The following NEK6 variants were observed in gnomAD, a reference collection of about 807,000 sequenced individuals.
The protein encoded by NEK6 is serine/threonine-protein kinase Nek6.
A neutral mutation model predicts 43.5 loss-of-function variants in NEK6; 27 were observed. The ratio of observed to expected loss-of-function variants is 0.62; its 90% CI spans 0.46 to 0.86. NEK6 has a LOEUF of 0.86. Among genes scored for constraint, NEK6 ranks in the 40% least tolerant of loss-of-function variants. NEK6 has a pLI of 0.00. For missense variants in NEK6, 318 were observed against 414.4 expected (o/e 0.77, Z 2.02); for synonymous variants, 167 against 164.1 (o/e 1.02, Z -0.14).
intron 8 of NEK6, among the ~76,000 whole-genome samples, chr9:124,347,277 G>GT (rs1829982308): frequency 6.6e-6 from 1 of 152,232 alleles, no homozygotes; most frequent in African/African-American, 2.4e-5. Flanking sequence ...CAGTCCATAG[G>GT]TAAGGAAAGC....
At chr9:124,344,427 C>A (rs1829810432) in intron 8 of NEK6, among the ~76,000 whole-genome samples, 1 of 152,244 alleles carries the variant, frequency 6.6e-6, no homozygotes, top group Non-Finnish European at 1.5e-5. Flanking sequence ...CTAGTGGGAG[C>A]CACCACAAAG....
In NEK6 at chr9:124,345,183, G is replaced by A. The variant is rs556195784; in HGVS notation, c.718-2526G>A. 3.3e-5 allele frequency among the ~76,000 whole-genome samples: 5 copies of A among 152,288 alleles called. No individual in the cohort carries two copies. In the East Asian group the frequency reaches 7.7e-4, roughly 24 times the overall value. On this transcript the variant is annotated intron_variant, in intron 8 of 9. Coordinates refer to ENST00000320246, the MANE Select transcript of NEK6 (RefSeq NM_014397.6). Reference sequence around the variant, plus strand: ...GAGCAGCGCTGAGAGCCGTGGCCTCGGCAGTTCTAACGAGGCCCCAGACAG... The same window carrying A: ...GAGCAGCGCTGAGAGCCGTGGCCTCAGCAGTTCTAACGAGGCCCCAGACAG...
At position 124,343,585 on chromosome 9, in the gene NEK6, C is replaced by G. The variant is rs975360493; in HGVS notation, c.717+3920C>G. Among the ~76,000 whole-genome samples, 1 of 152,170 alleles carries G rather than the reference C, an allele frequency of 6.6e-6. No individual in the cohort carries two copies. The highest frequency in any genetic ancestry group is 1.5e-5 in the Non-Finnish European group (1 of 68,014). On this transcript the variant is annotated intron_variant, in intron 8 of 9. Coordinates refer to ENST00000320246, the MANE Select transcript of NEK6 (RefSeq NM_014397.6). The surrounding 1 kb of genome is among the most constrained non-coding windows in gnomAD (Gnocchi z 5.1). ...GAAGGTGAAGCAGGCGTTTCCCCAG[C>G]AGACAGGGAGGAGAGCCACATCTGA...
At chr9:124,273,095 G>A (rs978442901) in intron 1 of NEK6, among the ~76,000 whole-genome samples, 5 of 152,164 alleles carry the variant, frequency 3.3e-5, no homozygotes, top group African/African-American at 9.7e-5. Context: ...GACCATTTCC[G>A]CGTGAGCCAG....
intron 1 of NEK6, among the ~76,000 whole-genome samples, chr9:124,263,906 A>G (rs973086867): frequency 6.6e-6 from 1 of 152,210 alleles, no homozygotes; most frequent in Non-Finnish European, 1.5e-5. Context: ...TCGGCGTGGC[A>G]TTGGAGGGTC....
In NEK6 at chr9:124,352,476, T is replaced by C. The variant is rs995311884; in HGVS notation, c.*1529T>C. 1 of 152,236 alleles carries C rather than the reference T, an allele frequency of 6.6e-6. No individual in the cohort carries two copies. Among genetic ancestry groups the C allele is most frequent in the Non-Finnish European group, 1.5e-5 (1 of 68,036 alleles). The allele number at this position is 152,236 out of a possible 1,614,324, so 9.4% of individuals were successfully genotyped here. On this transcript the variant is annotated 3_prime_UTR_variant, in exon 10 of 10. Coordinates refer to ENST00000320246, the MANE Select transcript of NEK6 (RefSeq NM_014397.6). ...GAGATTTTGCTTTTAAACCAGTAGATTCAAAACTTAAACAGCGTCTGCAGC... is the reference window on the plus strand; with the variant it reads ...GAGATTTTGCTTTTAAACCAGTAGACTCAAAACTTAAACAGCGTCTGCAGC...
chr9:124,343,718 A>G lies in NEK6; in HGVS notation c.718-3991A>G, dbSNP rs1366316241. ...GGCACCAGCCTGAAGAGCTGTGACA[A>G]AGCCCCCTGCCCTCTCTGGACAACA... On this transcript the variant is annotated intron_variant, in intron 8 of 9. Transcript: ENST00000320246. The surrounding 1 kb of genome is among the most constrained non-coding windows in gnomAD (Gnocchi z 5.1). Among the ~76,000 whole-genome samples the G allele has an allele frequency of 6.6e-6, 1 of 152,146 alleles. No individual in the cohort carries two copies. The highest frequency in any genetic ancestry group is 1.5e-5 in the Non-Finnish European group (1 of 68,022).
At chr9:124,339,435 A>G in intron 7 of NEK6, 136 bp from the exon 8 acceptor site, 1 of 701,504 alleles carries the variant, frequency 1.4e-6, no homozygotes, top group Non-Finnish European at 2.6e-6. Flanking sequence ...CCAGGCCCAG[A>G]GAGGGAGAAG....
At chr9:124,298,597 G>A (rs1411244040) in intron 1 of NEK6, among the ~76,000 whole-genome samples, 3 of 152,142 alleles carry the variant, frequency 2.0e-5, no homozygotes, top group Non-Finnish European at 4.4e-5. Context: ...CAAGTGGAGA[G>A]AGGGCCCATT....
intron 1 of NEK6, among the ~76,000 whole-genome samples, chr9:124,297,953 C>T (rs1832774682): frequency 6.6e-6 from 1 of 152,114 alleles, no homozygotes; most frequent in Non-Finnish European, 1.5e-5. Context: ...GGGTGTGGAC[C>T]AATAGAACAA....
rs116185588 is a variant in NEK6 at position 124,310,164 on chromosome 9, G to C, written c.91-2345G>C. 3.1e-3 allele frequency among the ~76,000 whole-genome samples: 465 copies of C among 152,374 alleles called. 2 individuals carry two copies. Among genetic ancestry groups the C allele is most frequent in the African/African-American group, 0.011 (445 of 41,594 alleles). On this transcript the variant is annotated intron_variant, in intron 2 of 9. Transcript: ENST00000320246. ...CCTGGGGTCACACCCCAGCTCTGCT[G>C]TTCTTTGCTGCCTGATCAGAACAGG... is the stretch of plus-strand genomic sequence containing the variant.
At chr9:124,304,553 C>A (rs569579051) in intron 2 of NEK6, among the ~76,000 whole-genome samples, 1 of 152,340 alleles carries the variant, frequency 6.6e-6, no homozygotes, top group South Asian at 2.1e-4. Context: ...ACATCCAACA[C>A]AGCACCTCAC....
intron 1 of NEK6, among the ~76,000 whole-genome samples, chr9:124,271,469 C>T (rs1370119378): frequency 5.9e-5 from 9 of 152,272 alleles, no homozygotes. Context: ...TTAGTACCCA[C>T]TGTGCACCGG....
chr9:124,292,880 G>A (rs1487440606), intron 1 of NEK6: 20 of 1,472,050 alleles, frequency 1.4e-5, no homozygotes, highest in Non-Finnish European at 1.4e-5. Flanking sequence ...GAGACAGCAC[G>A]GGGGAGCAGG....
At chr9:124,267,433 A>G (rs751566377) in intron 1 of NEK6, among the ~76,000 whole-genome samples, 1 of 152,156 alleles carries the variant, frequency 6.6e-6, no homozygotes, top group Non-Finnish European at 1.5e-5. Flanking sequence ...GTGTGTGTAC[A>G]TTTCCTTTGT....
chr9:124,313,799 G>T lies in NEK6; in HGVS notation c.232-124G>T, dbSNP rs73584366. 1.1e-3 allele frequency: 983 copies of T among 863,778 alleles called. 7 individuals carry two copies. The highest frequency in any genetic ancestry group is 9.2e-3 in the African/African-American group (489 of 53,074). The allele number at this position is 863,778 out of a possible 1,614,324, so 53.5% of individuals were successfully genotyped here. On this transcript the variant is annotated intron_variant, in intron 3 of 9. Transcript: ENST00000320246. ...CTACAGGGGCTGGGAGTGCAGGGGG[G>T]GGTCACAGAGTCCCTTGGTGAGGAG...
At chr9:124,314,242 T>C (rs1165689548) in intron 4 of NEK6, among the ~76,000 whole-genome samples, 1 of 152,072 alleles carries the variant, frequency 6.6e-6, no homozygotes, top group Admixed American at 6.5e-5. Flanking sequence ...CCCCTCCTGC[T>C]TGTACATGGC....
In NEK6 at chr9:124,280,406, G is replaced by A. The variant is rs1046220504; in HGVS notation, c.-29-21530G>A. 7.2e-5 allele frequency among the ~76,000 whole-genome samples: 11 copies of A among 152,338 alleles called. No homozygotes were observed. The East Asian group carries it at 1.5e-3, about 21-fold the overall frequency. The stretch of plus-strand genomic sequence containing the variant: ...CATCTGAGTGAGGCTTGCCGCTCAC[G>A]CTGAGACTGTCCCAGCCGAGCACTC... On this transcript the variant is annotated intron_variant, in intron 1 of 9. Coordinates refer to ENST00000320246, the MANE Select transcript of NEK6 (RefSeq NM_014397.6).
intron 1 of NEK6, among the ~76,000 whole-genome samples, chr9:124,264,264 A>G (rs1831141925): frequency 1.3e-5 from 2 of 152,152 alleles, no homozygotes; most frequent in Non-Finnish European, 2.9e-5. Flanking sequence ...GTCACACCCT[A>G]GACCCAGCTG....
Sources: allele counts gnomAD v4.1 joint callset (sites outside exome capture counted in the v4.1 genomes callset), GRCh38; gene constraint gnomAD v4.1.1; non-coding constraint Gnocchi (gnomAD v3.1); transcripts MANE v1.5; gene names NCBI Gene and HGNC (gene_info 2026-07-23, HGNC 2026-07-21).